Variants in ACTN1 observed in about 807,000 individuals in gnomAD.
ACTN1 encodes the protein alpha-actinin-1.
A neutral mutation model predicts 119.6 loss-of-function variants in ACTN1; 30 were observed. The ratio of observed to expected loss-of-function variants is 0.25; its 90% CI spans 0.19 to 0.34. The LOEUF (loss-of-function observed/expected upper bound fraction) is 0.34, where lower values mean the gene tolerates loss of function less well. ACTN1 is among the 10% of genes least tolerant of loss of function. The probability of loss-of-function intolerance (pLI) is 1.00; values close to 1 mark genes in which losing one functional copy is unlikely to be tolerated. For missense variants in ACTN1, 764 were observed against 1,223.4 expected, an observed-to-expected ratio of 0.62 and a Z score of 5.60; for synonymous variants, 429 against 472.6, an observed-to-expected ratio of 0.91 and a Z score of 1.20.
chr14:68,939,418 G>T (rs1031546789), intron 1 of ACTN1, among the ~76,000 whole-genome samples: 1 of 152,164 alleles, frequency 6.6e-6, no homozygotes, highest in African/African-American at 2.4e-5. Flanking sequence ...GACTTCTGTG[G>T]GCCAGAATGA....
At chr14:68,934,301 G>A (rs540328051) in intron 1 of ACTN1, among the ~76,000 whole-genome samples, 3 of 152,394 alleles carry the variant, frequency 2.0e-5, no homozygotes, top group East Asian at 1.9e-4. Flanking sequence ...AAGACTTCCC[G>A]TAAGGGGCAG....
intron 1 of ACTN1, among the ~76,000 whole-genome samples, chr14:68,963,345 T>C (rs2036601002): frequency 6.6e-6 from 1 of 152,232 alleles, no homozygotes; most frequent in East Asian, 1.9e-4. Context: ...ACCATGCATC[T>C]GTCCCTCATC....
intron 1 of ACTN1, among the ~76,000 whole-genome samples, chr14:68,960,046 A>G (rs2036476277): frequency 6.6e-6 from 1 of 152,224 alleles, no homozygotes; most frequent in Non-Finnish European, 1.5e-5. Flanking sequence ...AAGAGAAACT[A>G]TATTTGCTAT....
intron 8 of ACTN1, among the ~76,000 whole-genome samples, chr14:68,899,039 A>ACG (rs2033091595): frequency 9.6e-6 from 1 of 103,892 alleles, no homozygotes; most frequent in African/African-American, 5.3e-5. Flanking sequence ...ACACACACAC[A>ACG]TGCCACACCT....
chr14:68,905,189 C>T (rs979068230), intron 6 of ACTN1, among the ~76,000 whole-genome samples: 5 of 152,124 alleles, frequency 3.3e-5, no homozygotes, highest in African/African-American at 4.8e-5. Context: ...AGTCAAGATT[C>T]GGAGCAGGAG....
chr14:68,922,104 C>G (rs1456919896), intron 2 of ACTN1, among the ~76,000 whole-genome samples: 1 of 152,140 alleles, frequency 6.6e-6, no homozygotes, highest in African/African-American at 2.4e-5. Flanking sequence ...GGCCAAGGAC[C>G]CCAAAAGGCT....
At chr14:68,926,414 CT>C (rs2034927383) in intron 1 of ACTN1, among the ~76,000 whole-genome samples, 1 of 152,210 alleles carries the variant, frequency 6.6e-6, no homozygotes, top group South Asian at 2.1e-4. Context: ...CAGCTAGTGG[CT>C]CAAACAGGAA....
intron 1 of ACTN1, among the ~76,000 whole-genome samples, chr14:68,934,702 G>T (rs182235834): frequency 1.6e-3 from 243 of 152,282 alleles, no homozygotes; most frequent in African/African-American, 5.4e-3. Context: ...GAAAGAGACA[G>T]AAATTGTATT....
At chr14:68,941,975 C>T (rs529955367) in intron 1 of ACTN1, among the ~76,000 whole-genome samples, 255 of 152,286 alleles carry the variant, frequency 1.7e-3, no homozygotes, top group African/African-American at 5.9e-3. Flanking sequence ...GAGGGACAAC[C>T]ACCCGGCAGC....
rs575868282 is a variant in ACTN1, at chr14:68,942,208, T to C, written c.106-16536A>G. ...CCTACGCAACAGGCAAAAAACTCTG[T>C]CTCTACAAAAAATTTAAAAATGTTA... is the stretch of plus-strand genomic sequence containing the variant. On this transcript the variant is annotated intron_variant, in intron 1 of 21. Coordinates refer to ENST00000394419, the MANE Select transcript of ACTN1 (RefSeq NM_001130004.2). 5.7e-3 allele frequency among the ~76,000 whole-genome samples: 864 copies of C among 152,046 alleles called. 4 individuals carry two copies. The highest frequency in any genetic ancestry group is 0.017 in the Middle Eastern group (5 of 292).
intron 10 of ACTN1, 93 bp from the exon 11 acceptor site, chr14:68,890,379 T>C: frequency 6.9e-7 from 1 of 1,446,326 alleles, no homozygotes; most frequent in East Asian, 2.3e-5. Flanking sequence ...CCCCATGCCT[T>C]CCAGGAAGAG....
chr14:68,878,820 CAG>C lies in ACTN1; in HGVS notation c.2361+167_2361+168del. ...GGTTGCCATGAAAGACAGCAGAGGG[CAG>C]AGGGTGGACCAGTGATGGGGCAGAC... On this transcript the variant is annotated intron_variant, in intron 19 of 21. Transcript: ENST00000394419. The surrounding 1 kb of genome is among the most constrained non-coding windows in gnomAD (Gnocchi z 4.4). The C allele has an allele frequency of 6.3e-7, 1 of 1,592,174 alleles. No individual in the cohort carries two copies. The highest frequency in any genetic ancestry group is 8.5e-7 in the Non-Finnish European group (1 of 1,176,754).
chr14:68,920,329 C>T (rs989529611), intron 3 of ACTN1, among the ~76,000 whole-genome samples: 14 of 152,108 alleles, frequency 9.2e-5, no homozygotes, highest in Non-Finnish European at 4.4e-5. Flanking sequence ...GCAGCAGGTG[C>T]CCCATAAATA....
rs573625924 is a variant in ACTN1 at position 68,977,132 on chromosome 14, G to A, written c.105+1820C>T. Among the ~76,000 whole-genome samples, 4 of 152,234 alleles carry A rather than the reference G, an allele frequency of 2.6e-5. No individual in the cohort carries two copies. In the South Asian group the frequency reaches 8.3e-4, roughly 32 times the overall value. ...CACAAAGCAGGTGCTCCCTAAGCAGGGATTTCTCCTTCGATTCTAACCCCC... is the reference window on the plus strand; with the variant it reads ...CACAAAGCAGGTGCTCCCTAAGCAGAGATTTCTCCTTCGATTCTAACCCCC... On this transcript the variant is annotated intron_variant, in intron 1 of 21. Transcript: ENST00000394419.
At chr14:68,950,070 C>T (rs914526395) in intron 1 of ACTN1, among the ~76,000 whole-genome samples, 8 of 151,912 alleles carry the variant, frequency 5.3e-5, no homozygotes, top group Non-Finnish European at 5.9e-5. Context: ...CTGAGGTGGG[C>T]GGATCACAAG....
intron 3 of ACTN1, among the ~76,000 whole-genome samples, chr14:68,913,789 G>A (rs1012337951): frequency 5.3e-5 from 8 of 152,182 alleles, no homozygotes; most frequent in African/African-American, 1.4e-4. Context: ...GACACCAGGC[G>A]GGGCACAGTC....
chr14:68,902,589 C>T, intron 7 of ACTN1, 27 bp from the exon 8 acceptor site: 1 of 1,601,648 alleles, frequency 6.2e-7, no homozygotes. Context: ...GGAGTTAAAG[C>T]CAGCTGGTTC....
intron 11 of ACTN1, among the ~76,000 whole-genome samples, chr14:68,889,022 T>C (rs2032259170): frequency 6.6e-6 from 1 of 152,164 alleles, no homozygotes. Flanking sequence ...AAAACAGGGC[T>C]GACTGGGGGA....
intron 1 of ACTN1, among the ~76,000 whole-genome samples, chr14:68,960,748 TAAAAAAAAAA>T (rs11332256): frequency 7.1e-6 from 1 of 141,632 alleles, no homozygotes. Flanking sequence ...CTATCTCTAT[TAAAAAAAAAA>T]AAAAAAATTA....
Sources: allele counts gnomAD v4.1 joint callset (sites outside exome capture counted in the v4.1 genomes callset), GRCh38; gene constraint gnomAD v4.1.1; non-coding constraint Gnocchi (gnomAD v3.1); transcripts MANE v1.5; gene names NCBI Gene and HGNC (gene_info 2026-07-23, HGNC 2026-07-21).